Variants in SLC2A13 observed in about 807,000 individuals in gnomAD.
The protein encoded by SLC2A13 is solute carrier family 2 member 13, also known as proton myo-inositol cotransporter.
A neutral mutation model predicts 64.4 loss-of-function variants in SLC2A13; 32 were observed. The observed-to-expected ratio is 0.50, with a 90% CI of 0.37 to 0.67. The LOEUF (loss-of-function observed/expected upper bound fraction) is 0.67. Ranked by LOEUF, SLC2A13 falls within the 30% of genes least tolerant of loss-of-function variation. SLC2A13 has a pLI of 0.00. For synonymous variants in SLC2A13, 338 were observed against 327.1 expected (o/e 1.03, Z -0.36); for missense variants, 743 against 829.2 (o/e 0.90, Z 1.28).
intron 6 of SLC2A13, among the ~76,000 whole-genome samples, chr12:39,860,095 A>G (rs1007555473): frequency 1.3e-5 from 2 of 152,210 alleles, no homozygotes; most frequent in Admixed American, 6.5e-5. Context: ...AATAACTCCT[A>G]AAGAACTGTG....
intron 1 of SLC2A13, among the ~76,000 whole-genome samples, chr12:40,094,284 T>G (rs1293711281): frequency 6.6e-6 from 1 of 152,108 alleles, no homozygotes; most frequent in Non-Finnish European, 1.5e-5. Flanking sequence ...GGCTGAAATC[T>G]AGATTTGGGA....
chr12:39,934,001 C>T (rs1011947371), intron 4 of SLC2A13, among the ~76,000 whole-genome samples: 1 of 152,206 alleles, frequency 6.6e-6, no homozygotes, highest in African/African-American at 2.4e-5. Flanking sequence ...GACTTAGTCA[C>T]ATTAGAGTAG....
chr12:39,820,124 C>T (rs746917520), intron 7 of SLC2A13, among the ~76,000 whole-genome samples: 2 of 151,416 alleles, frequency 1.3e-5, no homozygotes, highest in Non-Finnish European at 2.9e-5. Flanking sequence ...TAAATGACAA[C>T]AAAAAGAAAA....
At chr12:39,944,392 T>C (rs1946100119) in intron 4 of SLC2A13, among the ~76,000 whole-genome samples, 1 of 152,224 alleles carries the variant, frequency 6.6e-6, no homozygotes, top group Non-Finnish European at 1.5e-5. Context: ...AATCCACTGT[T>C]TCTTTGTTGA....
At chr12:39,940,077 C>T (rs1945992338) in intron 4 of SLC2A13, among the ~76,000 whole-genome samples, 1 of 152,164 alleles carries the variant, frequency 6.6e-6, no homozygotes, top group Admixed American at 6.6e-5. Flanking sequence ...AACATTTTCC[C>T]ATTAATTCAC....
chr12:40,038,728 C>T (rs1427260505), intron 2 of SLC2A13, among the ~76,000 whole-genome samples: 7 of 87,442 alleles, frequency 8.0e-5, no homozygotes, highest in African/African-American at 2.6e-4. Context: ...AAGACCCTGT[C>T]TCAAAAAAAA....
In SLC2A13 at chr12:39,924,578, CTATT is replaced by C. The variant is rs1443936099; in HGVS notation, c.1034+26675_1034+26678del. Among the ~76,000 whole-genome samples the C allele has an allele frequency of 4.6e-5, 7 of 151,826 alleles. No homozygotes were observed. In the East Asian group the frequency reaches 5.8e-4, roughly 13 times the overall value. On this transcript the variant is annotated intron_variant, in intron 4 of 9. Transcript: ENST00000280871. ...ACACAACATAGATACTAAGTATCTA[CTATT>C]TATCTACTATAAATAATTCTGCAAT...
At chr12:39,774,586 T>G (rs1940704708) in intron 7 of SLC2A13, among the ~76,000 whole-genome samples, 1 of 9,000 alleles carries the variant, frequency 1.1e-4, no homozygotes, top group Non-Finnish European at 4.8e-4. Context: ...TGTCCAGCCT[T>G]TTTTTTTTTT....
At chr12:39,777,910 G>A (rs1940834332) in intron 7 of SLC2A13, among the ~76,000 whole-genome samples, 1 of 152,210 alleles carries the variant, frequency 6.6e-6, no homozygotes, top group Admixed American at 6.5e-5. Flanking sequence ...GATACAGAAA[G>A]CCCTCTGTCC....
At chr12:39,971,670 C>A (rs1946647721) in intron 3 of SLC2A13, among the ~76,000 whole-genome samples, 1 of 151,908 alleles carries the variant, frequency 6.6e-6, no homozygotes, top group South Asian at 2.1e-4. Flanking sequence ...AACATATATG[C>A]CTACAAGAAA....
intron 4 of SLC2A13, among the ~76,000 whole-genome samples, chr12:39,917,360 G>A (rs1406095461): frequency 6.6e-6 from 1 of 152,118 alleles, no homozygotes; most frequent in Non-Finnish European, 1.5e-5. Context: ...ACAAAAGCCA[G>A]TGTGGCTGAA....
intron 7 of SLC2A13, among the ~76,000 whole-genome samples, chr12:39,767,105 T>C (rs1940382258): frequency 6.6e-6 from 1 of 152,060 alleles, no homozygotes; most frequent in Non-Finnish European, 1.5e-5. Context: ...GAAATCACTA[T>C]CTATGGCAGC....
At chr12:39,911,215 T>C (rs565820146) in intron 4 of SLC2A13, among the ~76,000 whole-genome samples, 6 of 152,258 alleles carry the variant, frequency 3.9e-5, no homozygotes, top group Non-Finnish European at 7.4e-5. Flanking sequence ...CATGAAAATG[T>C]TGGCCTTGGC....
At chr12:40,088,351 T>C (rs1174352876) in intron 1 of SLC2A13, among the ~76,000 whole-genome samples, 1 of 152,174 alleles carries the variant, frequency 6.6e-6, no homozygotes, top group East Asian at 1.9e-4. Flanking sequence ...CTCAACATCA[T>C]ATATTAGAAG....
intron 3 of SLC2A13, among the ~76,000 whole-genome samples, chr12:39,966,468 G>C (rs1021600004): frequency 6.6e-6 from 1 of 152,122 alleles, no homozygotes; most frequent in Non-Finnish European, 1.5e-5. Flanking sequence ...CAGAATTTCA[G>C]TAGAGAATGA....
chr12:39,891,118 AC>A (rs1252207169), intron 4 of SLC2A13, among the ~76,000 whole-genome samples: 1 of 113,338 alleles, frequency 8.8e-6, no homozygotes, highest in Non-Finnish European at 2.0e-5. Context: ...TTTCAAATAT[AC>A]CTTTTTTTTT....
intron 7 of SLC2A13, among the ~76,000 whole-genome samples, chr12:39,796,174 A>G (rs981429828): frequency 1.3e-5 from 2 of 152,192 alleles, no homozygotes; most frequent in African/African-American, 2.4e-5. Flanking sequence ...CATGTTTCCA[A>G]GGTTATGCAT....
chr12:40,077,696 T>C (rs865951181), intron 1 of SLC2A13, among the ~76,000 whole-genome samples: 2 of 152,164 alleles, frequency 1.3e-5, no homozygotes, highest in South Asian at 2.1e-4. Flanking sequence ...AAAAATGATA[T>C]AGGTAGTTGG....
intron 1 of SLC2A13, among the ~76,000 whole-genome samples, chr12:40,048,650 C>A: frequency 6.6e-6 from 1 of 152,130 alleles, no homozygotes. Context: ...TAGTTAGATG[C>A]CAGTAGATTT....
Sources: allele counts gnomAD v4.1 joint callset (sites outside exome capture counted in the v4.1 genomes callset), GRCh38; gene constraint gnomAD v4.1.1; transcripts MANE v1.5; gene names NCBI Gene and HGNC (gene_info 2026-07-23, HGNC 2026-07-21).